PCDHA9: variants seen among roughly 807,000 people sequenced by gnomAD.
PCDHA9 encodes the protein protocadherin alpha 9.
PCDHA9 carries 62 observed loss-of-function variants against 62.0 expected under a neutral mutation model. The observed-to-expected ratio is 1.00, with a 90% CI of 0.81 to 1.23. The LOEUF is 1.23. Ranked by LOEUF, PCDHA9 falls within the 50% of genes most tolerant of loss-of-function variation. The pLI is 0.00. For synonymous variants in PCDHA9, 557 were observed against 567.6 expected (o/e 0.98, Z 0.27); for missense variants, 1,205 against 1,249.8 (o/e 0.96, Z 0.54).
intron 1 of PCDHA9, among the ~76,000 whole-genome samples, chr5:140,947,834 A>G (rs2094182215): frequency 6.6e-6 from 1 of 151,584 alleles, no homozygotes; most frequent in Non-Finnish European, 1.5e-5. Flanking sequence ...CAATATTAAT[A>G]TTTGTTTATT....
chr5:140,958,799 C>T (rs889190378), intron 1 of PCDHA9, among the ~76,000 whole-genome samples: 3 of 152,104 alleles, frequency 2.0e-5, no homozygotes, highest in African/African-American at 7.2e-5. Context: ...AGTAAATTAT[C>T]ACACCATTCT....
intron 1 of PCDHA9, among the ~76,000 whole-genome samples, chr5:140,977,977 C>T (rs193229659): frequency 2.0e-5 from 3 of 152,222 alleles, no homozygotes; most frequent in South Asian, 2.1e-4. Context: ...CCCATGAAAA[C>T]GCATCTAGAG....
At chr5:140,883,913 G>T (rs782585121) in intron 1 of PCDHA9, 1 of 1,613,478 alleles carries the variant, frequency 6.2e-7, no homozygotes, top group South Asian at 1.1e-5. Context: ...GGGCAGCAAC[G>T]TGACGCTGCA....
At chr5:140,920,636 G>C (rs1477753704) in intron 1 of PCDHA9, among the ~76,000 whole-genome samples, 1 of 152,096 alleles carries the variant, frequency 6.6e-6, no homozygotes, top group Non-Finnish European at 1.5e-5. Context: ...ACAAGGTCAA[G>C]AGATTGAGAC....
Position 140,850,431 on chromosome 5 carries a change from C to G in PCDHA9, c.1936C>G (p.Arg646Gly). Residue 646 changes from arginine to glycine, a missense_variant, in exon 1 of 4, where the codon CGC (arginine) becomes GGC (glycine). By Grantham distance (125) the Arg-to-Gly change is moderately radical. Coordinates refer to ENST00000532602, the MANE Select transcript of PCDHA9 (RefSeq NM_031857.2). Reference protein sequence around the residue: ...ALDETDAPRQRLLVLVKDHGE... With the variant: ...ALDETDAPRQGLLVLVKDHGE... The stretch of plus-strand genomic sequence containing the variant: ...GGACGAAACGGACGCACCGCGCCAG[C>G]GCCTACTGGTGCTGGTGAAAGACCA... 1 of 1,597,912 alleles carries G rather than the reference C, an allele frequency of 6.3e-7. No individual in the cohort carries two copies. The highest frequency in any genetic ancestry group is 8.6e-7 in the Non-Finnish European group (1 of 1,167,734).
intron 1 of PCDHA9, chr5:140,929,369 G>A: frequency 6.6e-7 from 1 of 1,515,248 alleles, no homozygotes; most frequent in Admixed American, 2.2e-5. Context: ...CCCGGAGATG[G>A]CTGCTAGCTG....
At chr5:140,874,530 G>T (rs1332198120) in intron 1 of PCDHA9, among the ~76,000 whole-genome samples, 2 of 152,200 alleles carry the variant, frequency 1.3e-5, no homozygotes, top group Admixed American at 6.5e-5. Flanking sequence ...ATGAGATTAG[G>T]CTCCAAAACC....
At chr5:140,928,656 T>C in intron 1 of PCDHA9, 1 of 1,614,232 alleles carries the variant, frequency 6.2e-7, no homozygotes, top group Middle Eastern at 1.6e-4. Flanking sequence ...CAGAGGATGC[T>C]GACAGTGGTT....
intron 1 of PCDHA9, chr5:140,877,318 G>T (rs1193928342): frequency 1.9e-6 from 3 of 1,614,000 alleles, no homozygotes; most frequent in Non-Finnish European, 2.5e-6. Context: ...ACCGGCGGCG[G>T]TCGGCGCGCA....
intron 1 of PCDHA9, among the ~76,000 whole-genome samples, chr5:140,902,203 C>CTTTTTTTTTTTTT (rs148688132): frequency 8.0e-6 from 1 of 124,460 alleles, no homozygotes; most frequent in African/African-American, 3.1e-5. Context: ...CTCTCTCTTT[C>CTTTTTTTTTTTTT]TTTTTTTTTT....
At chr5:140,964,401 G>A (rs1230382796) in intron 1 of PCDHA9, among the ~76,000 whole-genome samples, 6 of 152,166 alleles carry the variant, frequency 3.9e-5, no homozygotes, top group Admixed American at 2.0e-4. Flanking sequence ...CCCAAGACAT[G>A]ACATTTGGGG....
chr5:140,993,630 C>T (rs1305182880), intron 3 of PCDHA9, among the ~76,000 whole-genome samples: 2 of 152,054 alleles, frequency 1.3e-5, no homozygotes, highest in South Asian at 4.2e-4. Flanking sequence ...TATATATAGT[C>T]GTGTACCAAA....
intron 1 of PCDHA9, among the ~76,000 whole-genome samples, chr5:140,946,167 T>C (rs2153672434): frequency 6.6e-6 from 1 of 151,842 alleles, no homozygotes; most frequent in South Asian, 2.1e-4. Context: ...AAAAGATGGG[T>C]AAAGGATGTG....
At chr5:140,989,363 T>A (rs2097339689) in intron 3 of PCDHA9, among the ~76,000 whole-genome samples, 1 of 152,158 alleles carries the variant, frequency 6.6e-6, no homozygotes, top group Non-Finnish European at 1.5e-5. Flanking sequence ...GTCACCTGTG[T>A]GACTGAGAGC....
At chr5:140,883,376 G>C in intron 1 of PCDHA9, 1 of 1,614,116 alleles carries the variant, frequency 6.2e-7, no homozygotes, top group Non-Finnish European at 8.5e-7. Context: ...CGCCATTATT[G>C]CCCTAATCAG....
At chr5:140,953,900 C>G (rs1040959969) in intron 1 of PCDHA9, among the ~76,000 whole-genome samples, 4 of 152,126 alleles carry the variant, frequency 2.6e-5, no homozygotes, top group Non-Finnish European at 5.9e-5. Context: ...GTATTAAGCC[C>G]AGCATCCATT....
At chr5:140,897,340 C>G (rs1326802877) in intron 1 of PCDHA9, among the ~76,000 whole-genome samples, 1 of 122,842 alleles carries the variant, frequency 8.1e-6, no homozygotes, top group African/African-American at 3.1e-5. Flanking sequence ...CCCCTCCCCC[C>G]ACCCCACAAC....
At position 140,850,257 on chromosome 5, in the gene PCDHA9, G is replaced by A. The variant is rs1371110095; in HGVS notation, c.1762G>A (p.Gly588Ser). ...SEMVLRSVGA[G>S]VVVGKVRAVD... ...GATGGTGCTGCGGTCGGTGGGCGCC[G>A]GCGTAGTGGTGGGGAAGGTGCGCGC... Residue 588 changes from glycine (G) to serine (S), a missense_variant, in exon 1 of 4, where the codon GGC becomes AGC. By Grantham distance (56) the Gly-to-Ser change is moderately conservative. This residue lies in a region of PCDHA9 where 887 missense variants were observed against 809.5 expected (regional missense o/e 1.10). Coordinates refer to ENST00000532602, the MANE Select transcript of PCDHA9 (RefSeq NM_031857.2). The A allele has an allele frequency of 6.3e-6, 10 of 1,594,146 alleles. 2 individuals are homozygous for A. Among genetic ancestry groups the A allele is most frequent in the African/African-American group, 1.3e-5 (1 of 74,268 alleles).
At chr5:140,948,305 T>C (rs1554218512) in intron 1 of PCDHA9, among the ~76,000 whole-genome samples, 1 of 151,622 alleles carries the variant, frequency 6.6e-6, no homozygotes, top group African/African-American at 2.4e-5. Context: ...ATATCTTTTC[T>C]TCTTGAGGGG....
Sources: gnomAD v4.1 joint callset for allele counts (sites outside exome capture counted in the v4.1 genomes callset) on GRCh38, gnomAD v4.1.1 for gene constraint, gnomAD v4.1.1 regional missense constraint, MANE v1.5 for transcripts, NCBI Gene and HGNC (gene_info 2026-07-23, HGNC 2026-07-21) for gene names.